SLC1A3: variants seen among roughly 807,000 people sequenced by gnomAD.
SLC1A3 encodes excitatory amino acid transporter 1.
Under a neutral mutation model 48.1 loss-of-function variants are expected in SLC1A3, and 21 were observed. The ratio of observed to expected loss-of-function variants is 0.44; its 90% CI spans 0.31 to 0.63. The LOEUF (loss-of-function observed/expected upper bound fraction) is 0.63. Among genes scored for constraint, SLC1A3 ranks in the 20% least tolerant of loss-of-function variants. The probability of loss-of-function intolerance (pLI) is 0.08; values close to 1 mark genes in which losing one functional copy is unlikely to be tolerated. For missense variants in SLC1A3, 546 were observed against 689.0 expected, an observed-to-expected ratio of 0.79 and a Z score of 2.32; for synonymous variants, 239 against 251.4, an observed-to-expected ratio of 0.95 and a Z score of 0.47.
At chr5:36,603,353 C>A (rs1042314455), upstream of SLC1A3, among the ~76,000 whole-genome samples, 12 of 152,234 alleles carry the variant, frequency 7.9e-5, no homozygotes, top group Non-Finnish European at 1.6e-4. Flanking sequence ...ATCTCATAAC[C>A]TTCTGTTGGG....
intron 3 of SLC1A3, among the ~76,000 whole-genome samples, chr5:36,648,153 A>G (rs1185628620): frequency 2.0e-5 from 3 of 152,190 alleles, no homozygotes; most frequent in Non-Finnish European, 4.4e-5. Context: ...TATTCTAAAT[A>G]CCTTGCCATT....
rs1323111267 is a variant in SLC1A3 at position 36,608,501 on chromosome 5, A to G, written c.78A>G (p.Thr26=). The part of the protein sequence containing the change: ...ERFQQGVRKR[T]LLAKKKVQNI... ...TCCAGCAGGGAGTCCGTAAACGCAC[A>G]CTTTTGGCCAAGAAGAAAGTGCAGA... Residue 26 remains threonine, a synonymous_variant, in exon 2 of 10, where the codon ACA becomes ACG. Transcript: ENST00000265113. The G allele has an allele frequency of 1.2e-6, 2 of 1,614,054 alleles. No individual in the cohort carries two copies. The highest frequency in any genetic ancestry group is 1.7e-6 in the Non-Finnish European group (2 of 1,179,922).
At chr5:36,620,474 G>T (rs1401525010) in intron 2 of SLC1A3, among the ~76,000 whole-genome samples, 2 of 152,216 alleles carry the variant, frequency 1.3e-5, no homozygotes, top group East Asian at 1.9e-4. Flanking sequence ...ATTCCTTAGG[G>T]TAGGCTACTA....
chr5:36,629,442 T>TTC lies in SLC1A3; in HGVS notation c.182-8_182-7insTC. The TTC allele has an allele frequency of 6.2e-7, 1 of 1,607,532 alleles. No homozygotes were observed. The highest frequency in any genetic ancestry group is 8.5e-7 in the Non-Finnish European group (1 of 1,176,656). On this transcript the variant is annotated splice_polypyrimidine_tract_variant and splice_region_variant and intron_variant, in intron 2 of 9. Coordinates refer to ENST00000265113, the MANE Select transcript of SLC1A3 (RefSeq NM_004172.5). ...TTTTCTTTTTCTTTTTTTTTTTTTT[T>TTC]CCTTCAGGTACAATCCTTGGATTTA...
At chr5:36,649,065 G>A (rs1275061436) in intron 3 of SLC1A3, among the ~76,000 whole-genome samples, 3 of 151,968 alleles carry the variant, frequency 2.0e-5, no homozygotes, top group Admixed American at 6.6e-5. Context: ...TTATCTTGAC[G>A]AGGCCTGGTG....
At chr5:36,620,399 A>G (rs1278716735) in intron 2 of SLC1A3, among the ~76,000 whole-genome samples, 9 of 152,218 alleles carry the variant, frequency 5.9e-5, no homozygotes, top group Admixed American at 5.9e-4. Context: ...AGAAATCATA[A>G]TTCAGTCAAG....
At chr5:36,607,333 AT>A (rs1738993306) in intron 1 of SLC1A3, 1 of 151,982 alleles carries the variant, frequency 6.6e-6, no homozygotes, top group South Asian at 2.1e-4. Context: ...TTTCACTCGG[AT>A]TGATTATGGG....
chr5:36,622,092 T>TG (rs141699010), intron 2 of SLC1A3, among the ~76,000 whole-genome samples: 3,202 of 152,316 alleles, frequency 0.021, 50 homozygotes, highest in Non-Finnish European at 0.031. Context: ...ATGGACATCC[T>TG]GGTCCCCTTT....
At chr5:36,638,450 T>C (rs1740479710) in intron 3 of SLC1A3, among the ~76,000 whole-genome samples, 1 of 152,162 alleles carries the variant, frequency 6.6e-6, no homozygotes, top group Admixed American at 6.5e-5. Context: ...CTTTACCTAC[T>C]TCAAAGTAAA....
rs1273411490 is a variant in SLC1A3 at position 36,679,698 on chromosome 5, G to T, written c.932G>T (p.Gly311Val). ...GAGATGGAAGACATGGGTGTGATTG[G>T]GGGGCAGCTTGCCATGTACACCGTG... is the stretch of plus-strand genomic sequence containing the variant. ...IVEMEDMGVI[G>V]GQLAMYTVTV... Residue 311 changes from glycine to valine, a missense_variant, in exon 7 of 10, where the codon GGG becomes GTG. Gly to Val is a moderately radical substitution (Grantham distance 109, BLOSUM62 -3). Transcript: ENST00000265113. 1 of 1,614,018 alleles carries T rather than the reference G, an allele frequency of 6.2e-7. No homozygotes were observed.
Position 36,677,094 on chromosome 5 carries a change from T to C in SLC1A3, c.770T>C (p.Ile257Thr), listed in dbSNP as rs145397429. The C allele has an allele frequency of 2.5e-6, 4 of 1,614,036 alleles. No homozygotes were observed. Among genetic ancestry groups the C allele is most frequent in the Non-Finnish European group, 3.4e-6 (4 of 1,180,000 alleles). The part of the protein sequence containing the change: ...VVFSMCFGFV[I>T]GNMKEQGQAL... ...TTCTCCATGTGCTTCGGTTTTGTGA[T>C]TGGAAACATGAAGGAACAGGGGCAG... Residue 257 changes from isoleucine (I) to threonine (T), a missense_variant, in exon 6 of 10, where the codon ATT becomes ACT. Around this residue, in one of 3 missense-constraint regions of SLC1A3, gnomAD observed 348 missense variants for 392.0 expected, o/e 0.89. Transcript: ENST00000265113.
chr5:36,616,944 T>C (rs1739461112), intron 2 of SLC1A3, among the ~76,000 whole-genome samples: 1 of 152,226 alleles, frequency 6.6e-6, no homozygotes, highest in Admixed American at 6.5e-5. Context: ...TTAGGGCAAA[T>C]GAAGTAGTTT....
chr5:36,654,210 C>T (rs192167889), intron 3 of SLC1A3, among the ~76,000 whole-genome samples: 1 of 152,196 alleles, frequency 6.6e-6, no homozygotes, highest in South Asian at 2.1e-4. Context: ...GTTCTTACAC[C>T]CCTCCAGGGG....
In SLC1A3 at chr5:36,688,101, C is replaced by T. The variant is rs982143263; in HGVS notation, c.*1832C>T. The T allele has an allele frequency of 3.3e-5, 5 of 152,168 alleles. No homozygotes were observed. The allele number at this position is 152,168 out of a possible 1,614,324, so 9.4% of individuals were successfully genotyped here. On this transcript the variant is annotated 3_prime_UTR_variant, in exon 10 of 10. Transcript: ENST00000265113. ...GAAATACACTACAAATGTTAAAGTA[C>T]GTGGCTGTCCTCTTAAGACACTAGT...
chr5:36,675,164 G>GTT (rs1012866408), intron 5 of SLC1A3, among the ~76,000 whole-genome samples: 2 of 151,026 alleles, frequency 1.3e-5, no homozygotes, highest in Non-Finnish European at 3.0e-5. Flanking sequence ...GTCTCCCTTT[G>GTT]TTTTTTTTCC....
Position 36,608,491 on chromosome 5 carries a change from G to A in SLC1A3, c.68G>A (p.Arg23His), listed in dbSNP as rs199774340. Reference protein sequence around the residue: ...GRMERFQQGVRKRTLLAKKKV... With the variant: ...GRMERFQQGVHKRTLLAKKKV... Reference sequence around the variant, plus strand: ...ATGGAGAGATTCCAGCAGGGAGTCCGTAAACGCACACTTTTGGCCAAGAAG... The same window carrying A: ...ATGGAGAGATTCCAGCAGGGAGTCCATAAACGCACACTTTTGGCCAAGAAG... The change falls in exon 2 of 10, where the codon CGT becomes CAT. Residue 23 changes from arginine to histidine, a missense_variant. Physicochemically the swap from Arg to His is conservative, Grantham distance 29. Around this residue, in one of 3 missense-constraint regions of SLC1A3, gnomAD observed 348 missense variants for 392.0 expected, o/e 0.89. Transcript: ENST00000265113. 434 of 1,613,968 alleles carry A rather than the reference G, an allele frequency of 2.7e-4. No individual in the cohort carries two copies. Among genetic ancestry groups the A allele is most frequent in the Non-Finnish European group, 2.6e-4 (303 of 1,179,860 alleles).
chr5:36,617,635 CTT>C (rs1235377660), intron 2 of SLC1A3, among the ~76,000 whole-genome samples: 3 of 151,830 alleles, frequency 2.0e-5, no homozygotes, highest in Non-Finnish European at 4.4e-5. Context: ...TTTTTTGACT[CTT>C]TGTATACAAA....
chr5:36,617,163 T>C (rs1259985468), intron 2 of SLC1A3, among the ~76,000 whole-genome samples: 2 of 152,134 alleles, frequency 1.3e-5, no homozygotes, highest in South Asian at 4.1e-4. Context: ...ATTCGCTTCC[T>C]TGTCTCCAAA....
chr5:36,646,905 A>G (rs974014630), intron 3 of SLC1A3, among the ~76,000 whole-genome samples: 1 of 152,174 alleles, frequency 6.6e-6, no homozygotes, highest in Admixed American at 6.6e-5. Flanking sequence ...GCCTCAGTGG[A>G]GTACAAAGAG....
Sources: gnomAD v4.1 joint callset for allele counts (sites outside exome capture counted in the v4.1 genomes callset) on GRCh38, gnomAD v4.1.1 for gene constraint, gnomAD v4.1.1 regional missense constraint, MANE v1.5 for transcripts, NCBI Gene and HGNC (gene_info 2026-07-23, HGNC 2026-07-21) for gene names.